Variants in GPATCH2 observed in about 807,000 individuals in gnomAD.
The protein encoded by GPATCH2 is G patch domain-containing protein 2.
In GPATCH2, 51 loss-of-function variants were observed where a neutral mutation model predicts 58.0. The ratio of observed to expected loss-of-function variants is 0.88; its 90% confidence interval spans 0.70 to 1.11. The LOEUF is 1.11. Ranked by LOEUF, GPATCH2 falls within the 50% of genes most tolerant of loss-of-function variation. The pLI is 0.00. For synonymous variants in GPATCH2, 222 were observed against 218.5 expected (o/e 1.02, Z -0.14); for missense variants, 625 against 652.2 (o/e 0.96, Z 0.45).
At chr1:217,486,386 T>A in intron 8 of GPATCH2, among the ~76,000 whole-genome samples, 1 of 152,240 alleles carries the variant, frequency 6.6e-6, no homozygotes, top group East Asian at 1.9e-4. Context: ...GCTGTTCTTG[T>A]CAAATGTCTT....
intron 8 of GPATCH2, 89 bp from the exon 9 acceptor site, chr1:217,449,426 A>G: frequency 1.3e-6 from 1 of 781,774 alleles, no homozygotes; most frequent in Non-Finnish European, 2.2e-6. Context: ...CTAAATCAAA[A>G]CGTTCTCAAC....
At position 217,527,603 on chromosome 1, in the gene GPATCH2, C is replaced by T. The variant is rs1444518223; in HGVS notation, c.1099-12714G>A. Reference sequence around the variant, plus strand: ...TATGTCAGGAGGGAAACAAACAAAACAAAACAAAACAAAACAAAACCCTCT... The same window carrying T: ...TATGTCAGGAGGGAAACAAACAAAATAAAACAAAACAAAACAAAACCCTCT... On this transcript the variant is annotated intron_variant, in intron 5 of 9. Coordinates refer to ENST00000366935, the MANE Select transcript of GPATCH2 (RefSeq NM_018040.5). 1.1e-4 allele frequency among the ~76,000 whole-genome samples: 17 copies of T among 150,328 alleles called. No individual in the cohort carries two copies. In the Admixed American group the frequency reaches 1.1e-3, roughly 10 times the overall value.
intron 2 of GPATCH2, among the ~76,000 whole-genome samples, chr1:217,619,111 A>T (rs1265701245): frequency 6.6e-6 from 1 of 152,140 alleles, no homozygotes; most frequent in African/African-American, 2.4e-5. Context: ...ATACATTCTC[A>T]TTTCTTGCAA....
rs1364513937 is a variant in GPATCH2 at position 217,429,998 on chromosome 1, A to C, written c.*1147T>G. ...CATCATAATAAGTTGTTAATAATGA[A>C]GATAATAAATAAAGATCTTCTAAAC... On this transcript the variant is annotated 3_prime_UTR_variant, in exon 10 of 10. Coordinates refer to ENST00000366935, the MANE Select transcript of GPATCH2 (RefSeq NM_018040.5). The C allele has an allele frequency of 6.6e-6, 1 of 152,154 alleles. No individual in the cohort carries two copies. The highest frequency in any genetic ancestry group is 2.4e-5 in the African/African-American group (1 of 41,418). The allele number at this position is 152,154 out of a possible 1,614,324, so 9.4% of individuals were successfully genotyped here. A position where few individuals can be genotyped will look rare whatever the true frequency, so the allele number is the denominator to read the frequency against.
At chr1:217,624,811 AAG>A (rs1198597849) in intron 1 of GPATCH2, among the ~76,000 whole-genome samples, 5 of 152,254 alleles carry the variant, frequency 3.3e-5, no homozygotes, top group African/African-American at 1.2e-4. Flanking sequence ...TCATAATTGT[AAG>A]AGCCATTTTT....
chr1:217,544,910 T>A (rs1664955039), intron 5 of GPATCH2, among the ~76,000 whole-genome samples: 1 of 152,204 alleles, frequency 6.6e-6, no homozygotes. Context: ...ATGTCTTTCC[T>A]CCCATCTAAG....
intron 5 of GPATCH2, among the ~76,000 whole-genome samples, chr1:217,584,088 A>G (rs1001920564): frequency 6.6e-6 from 1 of 151,998 alleles, no homozygotes; most frequent in African/African-American, 2.4e-5. Flanking sequence ...AATCTGGTAA[A>G]TCTTATAGAT....
chr1:217,436,763 G>A (rs183564360), intron 9 of GPATCH2, among the ~76,000 whole-genome samples: 1 of 152,100 alleles, frequency 6.6e-6, no homozygotes, highest in East Asian at 1.9e-4. Flanking sequence ...CCATTTTGTA[G>A]ATGTAACTGA....
chr1:217,534,429 G>A lies in GPATCH2; in HGVS notation c.1099-19540C>T, dbSNP rs557213303. The stretch of plus-strand genomic sequence containing the variant: ...AACTGGGTAAAGTATTAGCTTTTAA[G>A]TAAAAGTTGCCCATCTTCTTATTAG... On this transcript the variant is annotated intron_variant, in intron 5 of 9. Transcript: ENST00000366935. Among the ~76,000 whole-genome samples the A allele has an allele frequency of 2.0e-5, 3 of 152,192 alleles. No homozygotes were observed. In the South Asian group the frequency reaches 6.2e-4, roughly 32 times the overall value.
chr1:217,594,243 G>A (rs1396125779), intron 5 of GPATCH2, among the ~76,000 whole-genome samples: 2 of 151,986 alleles, frequency 1.3e-5, no homozygotes, highest in South Asian at 2.1e-4. Flanking sequence ...TTCATCTACA[G>A]GAGCTAATAT....
At chr1:217,491,771 A>G (rs774075639) in intron 7 of GPATCH2, 21 bp from the exon 8 acceptor site, 106 of 958,700 alleles carry the variant, frequency 1.1e-4, no homozygotes, top group Non-Finnish European at 1.6e-4. Context: ...TGTTAAGACA[A>G]AGTCATAGAA....
At chr1:217,455,367 A>G (rs1293452500) in intron 8 of GPATCH2, among the ~76,000 whole-genome samples, 2 of 151,916 alleles carry the variant, frequency 1.3e-5, no homozygotes, top group East Asian at 3.9e-4. Context: ...CCTGGCTCCT[A>G]TCCCTGTTCA....
At chr1:217,600,065 C>T (rs12078137) in intron 5 of GPATCH2, among the ~76,000 whole-genome samples, 14,193 of 152,104 alleles carry the variant, frequency 0.093, 976 homozygotes, top group African/African-American at 0.19. Flanking sequence ...ATTGTATGGA[C>T]CTGGAATACT....
At chr1:217,556,803 G>A (rs1459640292) in intron 5 of GPATCH2, among the ~76,000 whole-genome samples, 1 of 152,136 alleles carries the variant, frequency 6.6e-6, no homozygotes. Flanking sequence ...AAATCAGTGT[G>A]TATTCCCAGA....
intron 9 of GPATCH2, among the ~76,000 whole-genome samples, chr1:217,448,101 A>G (rs762858587): frequency 6.0e-5 from 5 of 83,192 alleles, no homozygotes; most frequent in Non-Finnish European, 1.2e-4. Flanking sequence ...TCTGTCTCAG[A>G]AAAAAAAAAA....
At chr1:217,435,820 A>G (rs1017385590) in intron 9 of GPATCH2, among the ~76,000 whole-genome samples, 1 of 152,214 alleles carries the variant, frequency 6.6e-6, no homozygotes, top group African/African-American at 2.4e-5. Flanking sequence ...AGAAAGTGGT[A>G]GGTGTTACTA....
At chr1:217,435,403 C>T (rs947311463) in intron 9 of GPATCH2, among the ~76,000 whole-genome samples, 7 of 152,164 alleles carry the variant, frequency 4.6e-5, no homozygotes, top group African/African-American at 1.4e-4. Context: ...AATCTTGTAT[C>T]GGCCTCTCTT....
chr1:217,607,441 G>A (rs749273742), intron 5 of GPATCH2, among the ~76,000 whole-genome samples: 6 of 152,038 alleles, frequency 3.9e-5, no homozygotes, highest in South Asian at 4.2e-4. Context: ...GAGAAATGCC[G>A]TCTAGTGCTC....
At chr1:217,609,507 A>G in intron 5 of GPATCH2, 1 of 983,928 alleles carries the variant, frequency 1.0e-6, no homozygotes, top group Non-Finnish European at 1.2e-6. Context: ...TGATTTTTGC[A>G]GTACAATGAA....
Sources: gnomAD v4.1 joint callset for allele counts (sites outside exome capture counted in the v4.1 genomes callset) on GRCh38, gnomAD v4.1.1 for gene constraint, MANE v1.5 for transcripts, NCBI Gene and HGNC (gene_info 2026-07-23, HGNC 2026-07-21) for gene names.